ATP2B2: variants seen among roughly 807,000 people sequenced by gnomAD.
ATP2B2 encodes plasma membrane calcium-transporting ATPase 2.
A neutral mutation model predicts 120.0 loss-of-function variants in ATP2B2; 15 were observed. That is an observed-to-expected ratio of 0.12 (90% CI 0.08 to 0.19). The LOEUF is 0.19. Ranked by LOEUF, ATP2B2 falls within the 10% of genes least tolerant of loss-of-function variation. ATP2B2 has a pLI of 1.00. For missense variants in ATP2B2, 1,045 were observed against 1,719.8 expected (o/e 0.61, Z 6.94); for synonymous variants, 694 against 700.3 (o/e 0.99, Z 0.14).
upstream of ATP2B2, among the ~76,000 whole-genome samples, chr3:10,506,248 C>T (rs987720017): frequency 2.0e-5 from 3 of 152,072 alleles, no homozygotes; most frequent in African/African-American, 7.2e-5. Flanking sequence ...ACCCCTGCGA[C>T]CCGCCCTGCC....
intron 14 of ATP2B2, 33 bp from the exon 15 acceptor site, chr3:10,350,610 C>T (rs1352767923): frequency 1.2e-6 from 2 of 1,602,816 alleles, no homozygotes; most frequent in Non-Finnish European, 1.7e-6. Flanking sequence ...TGGGGGAGGG[C>T]ACCACCTCAG....
intron 2 of ATP2B2, among the ~76,000 whole-genome samples, chr3:10,548,561 C>A (rs2067600105): frequency 6.6e-6 from 1 of 152,204 alleles, no homozygotes; most frequent in African/African-American, 2.4e-5. Context: ...CAGCTCCCTT[C>A]CCTCTCAGCT....
chr3:10,503,576 T>C (rs2066480571), intron 1 of ATP2B2, among the ~76,000 whole-genome samples: 1 of 152,236 alleles, frequency 6.6e-6, no homozygotes, highest in African/African-American at 2.4e-5. Flanking sequence ...CCACCTTGCC[T>C]CCTGGAAGCT....
intron 2 of ATP2B2, among the ~76,000 whole-genome samples, chr3:10,581,806 G>T (rs1241361391): frequency 1.3e-5 from 2 of 152,176 alleles, no homozygotes; most frequent in Non-Finnish European, 2.9e-5. Context: ...TCTGTAAAAC[G>T]GGGAGCATCA....
At chr3:10,516,524 G>C (rs563183859) in intron 3 of ATP2B2, among the ~76,000 whole-genome samples, 1 of 152,072 alleles carries the variant, frequency 6.6e-6, no homozygotes, top group African/African-American at 2.4e-5. Flanking sequence ...CCATCCTGTC[G>C]TTCCAGTTCT....
chr3:10,544,514 C>T (rs1413601913), intron 2 of ATP2B2, among the ~76,000 whole-genome samples: 3 of 152,208 alleles, frequency 2.0e-5, no homozygotes, highest in Non-Finnish European at 4.4e-5. Flanking sequence ...GTTTTCCCAT[C>T]AGGTGATGAG....
intron 1 of ATP2B2, among the ~76,000 whole-genome samples, chr3:10,484,210 A>G (rs1425902333): frequency 6.6e-6 from 1 of 152,108 alleles, no homozygotes; most frequent in Admixed American, 6.5e-5. Flanking sequence ...AGTTCCTGGA[A>G]ACTCTGGAGG....
intron 1 of ATP2B2, among the ~76,000 whole-genome samples, chr3:10,632,524 A>C (rs2069895728): frequency 6.6e-6 from 1 of 152,254 alleles, no homozygotes; most frequent in Admixed American, 6.5e-5. Flanking sequence ...GGCACACAGT[A>C]GGTGCGTCAC....
intron 1 of ATP2B2, among the ~76,000 whole-genome samples, chr3:10,682,641 G>A: frequency 6.6e-6 from 1 of 152,214 alleles, no homozygotes; most frequent in Non-Finnish European, 1.5e-5. Flanking sequence ...TGTGGACTCT[G>A]AGTGCAAGAA....
intron 2 of ATP2B2, among the ~76,000 whole-genome samples, chr3:10,415,769 T>C (rs1476309508): frequency 6.6e-6 from 1 of 152,222 alleles, no homozygotes; most frequent in African/African-American, 2.4e-5. Context: ...ATTAATACAG[T>C]GTGTCAAAGA....
chr3:10,528,934 G>A (rs1355537411), intron 3 of ATP2B2, among the ~76,000 whole-genome samples: 1 of 152,176 alleles, frequency 6.6e-6, no homozygotes, highest in African/African-American at 2.4e-5. Context: ...TTTGGGATGG[G>A]GAAGCTTAGT....
At chr3:10,529,171 G>A (rs1382695338) in intron 3 of ATP2B2, among the ~76,000 whole-genome samples, 1 of 152,214 alleles carries the variant, frequency 6.6e-6, no homozygotes, top group Non-Finnish European at 1.5e-5. Context: ...GCTCCCCAGA[G>A]GTTCTCAGAC....
chr3:10,610,081 A>ACT (rs2069188924), intron 2 of ATP2B2, among the ~76,000 whole-genome samples: 1 of 99,460 alleles, frequency 1.0e-5, no homozygotes, highest in Non-Finnish European at 2.1e-5. Flanking sequence ...ACACATACAC[A>ACT]CACACACACA....
At position 10,672,162 on chromosome 3, in the gene ATP2B2, C is replaced by T. The variant is rs145948315; in HGVS notation, c.-460+35753G>A. On this transcript the variant is annotated intron_variant, in intron 1 of 21. Transcript: ENST00000646379. ...ACGCCTCCACTGGTTAAAATCACAG[C>T]CTCAGATTTCTGCTGGGAGAGAACC... Among the ~76,000 whole-genome samples the T allele has an allele frequency of 2.1e-3, 317 of 152,278 alleles. 6 individuals are homozygous for T. The East Asian group carries it at 0.051, about 24-fold the overall frequency.
chr3:10,629,058 G>C (rs1321243590), intron 1 of ATP2B2, among the ~76,000 whole-genome samples: 1 of 152,180 alleles, frequency 6.6e-6, no homozygotes, highest in African/African-American at 2.4e-5. Context: ...TTTCTCCGTA[G>C]GGCACAGCCG....
chr3:10,488,912 C>T (rs1362733552), intron 1 of ATP2B2, among the ~76,000 whole-genome samples: 2 of 152,154 alleles, frequency 1.3e-5, no homozygotes, highest in African/African-American at 2.4e-5. Context: ...TTGCTCCTGT[C>T]ATTCTTCGAG....
In ATP2B2 at chr3:10,635,185, T is replaced by C. The variant is rs1661613948; in HGVS notation, c.-459-15224A>G. Among the ~76,000 whole-genome samples the C allele has an allele frequency of 1.3e-5, 2 of 152,130 alleles. No individual in the cohort carries two copies. Among genetic ancestry groups the C allele is most frequent in the Non-Finnish European group, 2.9e-5 (2 of 68,030 alleles). ...AGCTCAAGGTTGCCTGAGCTTCCAA[T>C]TTTCAAGAGAAGTTGGAAATCCAGG... On this transcript the variant is annotated intron_variant, in intron 1 of 21. Coordinates refer to the ATP2B2 transcript ENST00000646379. The surrounding 1 kb of genome is among the most constrained non-coding windows in gnomAD (Gnocchi z 4.3).
intron 2 of ATP2B2, 138 bp from the exon 3 acceptor site, chr3:10,410,953 C>T (rs924193865): frequency 1.9e-5 from 20 of 1,054,736 alleles, no homozygotes; most frequent in Non-Finnish European, 2.8e-5. Context: ...TCTCTTCATG[C>T]TTTGGGCCCT....
chr3:10,339,670 G>A (rs565144311), intron 21 of ATP2B2, among the ~76,000 whole-genome samples: 41 of 152,334 alleles, frequency 2.7e-4, no homozygotes, highest in African/African-American at 9.6e-4. Context: ...TGAGGCCACA[G>A]ATGGCCACAG....
Sources: gnomAD v4.1 joint callset for allele counts (sites outside exome capture counted in the v4.1 genomes callset) on GRCh38, gnomAD v4.1.1 for gene constraint, Gnocchi (gnomAD v3.1) non-coding constraint, MANE v1.5 for transcripts, NCBI Gene and HGNC (gene_info 2026-07-23, HGNC 2026-07-21) for gene names.